CHRNA9: variants seen among roughly 807,000 people sequenced by gnomAD.
CHRNA9 encodes the protein neuronal acetylcholine receptor subunit alpha-9.
Under a neutral mutation model 36.8 loss-of-function variants are expected in CHRNA9, and 24 were observed. The observed-to-expected ratio is 0.65, with a 90% CI of 0.47 to 0.92. CHRNA9 has a LOEUF of 0.92. Among genes scored for constraint, CHRNA9 ranks in the 40% least tolerant of loss-of-function variants. CHRNA9 has a pLI of 0.00. For missense variants in CHRNA9, 610 were observed against 601.2 expected (o/e 1.01, Z -0.15); for synonymous variants, 231 against 231.8 (o/e 1.00, Z 0.03).
At chr4:40,338,097 T>C (rs1226414528) in intron 3 of CHRNA9, 1 of 152,196 alleles carries the variant, frequency 6.6e-6, no homozygotes, top group African/African-American at 2.4e-5. Flanking sequence ...TCCAAGATCA[T>C]GTATCAATAA....
At position 40,354,674 on chromosome 4, in the gene CHRNA9, G is replaced by T. The variant is rs1265068987; in HGVS notation, c.*154G>T. 1.2e-5 allele frequency: 8 copies of T among 686,346 alleles called. No individual in the cohort carries two copies. The highest frequency in any genetic ancestry group is 5.3e-5 in the Admixed American group (2 of 37,448). The allele number at this position is 686,346 out of a possible 1,614,324, so 42.5% of individuals were successfully genotyped here. The stretch of plus-strand genomic sequence containing the variant: ...CTTCAAATGAATGTCGAAGCTATCT[G>T]CTCTGTTAAATTAAGCAGAAGAACC... On this transcript the variant is annotated 3_prime_UTR_variant, in exon 5 of 5. Transcript: ENST00000310169.
chr4:40,340,921 A>G (rs1457203926), intron 3 of CHRNA9, among the ~76,000 whole-genome samples: 1 of 150,678 alleles, frequency 6.6e-6, no homozygotes, highest in Admixed American at 6.6e-5. Context: ...ACAACGTTCC[A>G]GAAGACAAAA....
intron 1 of CHRNA9, 92 bp from the exon 2 acceptor site, chr4:40,335,735 C>A: frequency 7.6e-7 from 1 of 1,307,950 alleles, no homozygotes; most frequent in Non-Finnish European, 1.1e-6. Flanking sequence ...CAGTGTTGGG[C>A]CATCCCCCAT....
chr4:40,335,650 C>A, intron 1 of CHRNA9, 119 bp downstream of exon 1: 1 of 1,008,002 alleles, frequency 9.9e-7, no homozygotes, highest in South Asian at 1.3e-5. Context: ...GTGTTCTGTG[C>A]TTCCTACTGA....
intron 3 of CHRNA9, among the ~76,000 whole-genome samples, chr4:40,344,928 G>A (rs899418754): frequency 6.6e-6 from 1 of 152,292 alleles, no homozygotes; most frequent in African/African-American, 2.4e-5. Flanking sequence ...CACAGAGGTC[G>A]CCTCTGAGCA....
In CHRNA9 at chr4:40,339,662, C is replaced by CAA. The variant is rs756343215; in HGVS notation, c.365+2316_365+2317dup. On this transcript the variant is annotated intron_variant, in intron 3 of 4. Transcript: ENST00000310169. ...TGGGTGACAGAGCTAGACTCTATCT[C>CAA]AAAAAAAAAAAAAAAAAAAGGCGGG... Among the ~76,000 whole-genome samples, 470 of 93,994 alleles carry CAA rather than the reference C, an allele frequency of 5.0e-3. 10 individuals are homozygous for CAA. Among genetic ancestry groups the CAA allele is most frequent in the East Asian group, 0.014 (47 of 3,480 alleles). The allele number at this position is 93,994 out of a possible 152,430, so 61.7% of individuals were successfully genotyped here.
chr4:40,342,629 T>C (rs1418420441), intron 3 of CHRNA9, among the ~76,000 whole-genome samples: 1 of 152,178 alleles, frequency 6.6e-6, no homozygotes, highest in African/African-American at 2.4e-5. Context: ...AGGAGAAGTC[T>C]TGAGATTTGC....
chr4:40,342,242 G>T lies in CHRNA9; in HGVS notation c.365+4878G>T, dbSNP rs149116939. On this transcript the variant is annotated intron_variant, in intron 3 of 4. Coordinates refer to ENST00000310169, the MANE Select transcript of CHRNA9 (RefSeq NM_017581.4). ...GAAGAGACTGGAAATAAAGGAGGGC[G>T]AGGAGAAACAGGTTTGGAAAAAAAG... Among the ~76,000 whole-genome samples the T allele has an allele frequency of 3.3e-5, 5 of 152,290 alleles. No homozygotes were observed. In the East Asian group the frequency reaches 9.6e-4, roughly 29 times the overall value.
At chr4:40,350,640 C>G (rs1439666734) in intron 4 of CHRNA9, among the ~76,000 whole-genome samples, 2 of 151,100 alleles carry the variant, frequency 1.3e-5, no homozygotes. Context: ...GATGATACTA[C>G]AGTGGCTTCT....
chr4:40,346,365 T>C (rs1443875791), intron 3 of CHRNA9, among the ~76,000 whole-genome samples: 1 of 152,248 alleles, frequency 6.6e-6, no homozygotes, highest in Non-Finnish European at 1.5e-5. Context: ...CTCTGCATTG[T>C]TTCCATATCT....
In CHRNA9 at chr4:40,335,902, G is replaced by C. The variant is rs188109471; in HGVS notation, c.140G>C (p.Arg47Pro). ...TTTGAAGATTATTCTAATGCTCTTC[G>C]TCCAGTGGAAGATACAGATAAAGTC... Reference protein sequence around the residue: ...DLFEDYSNALRPVEDTDKVLN... With the variant: ...DLFEDYSNALPPVEDTDKVLN... Residue 47 changes from arginine (R) to proline (P), a missense_variant, in exon 2 of 5, where the codon CGT (arginine) becomes CCT (proline). Transcript: ENST00000310169. The C allele has an allele frequency of 5.0e-6, 8 of 1,611,490 alleles. No homozygotes were observed. The African/African-American group carries it at 8.0e-5, about 16-fold the overall frequency.
chr4:40,335,861 G>T lies in CHRNA9; in HGVS notation c.99G>T (p.Lys33Asn). 6.2e-7 allele frequency: 1 copy of T among 1,613,482 alleles called. No individual in the cohort carries two copies. Among genetic ancestry groups the T allele is most frequent in the East Asian group, 2.2e-5 (1 of 44,888 alleles). The change falls in exon 2 of 5, where the codon AAG becomes AAT. Residue 33 changes from lysine (K) to asparagine (N), a missense_variant. Lys to Asn is a moderately conservative substitution (Grantham distance 94). Transcript: ENST00000310169. ...CGGCAGATGGAAAATATGCTCAGAA[G>T]TTGTTTAATGACCTTTTTGAAGATT... ...AETADGKYAQ[K>N]LFNDLFEDYS...
In CHRNA9 at chr4:40,354,369, A is replaced by T. The variant is rs1712893162; in HGVS notation, c.1289A>T (p.Tyr430Phe). 1 of 1,614,108 alleles carries T rather than the reference A, an allele frequency of 6.2e-7. No individual in the cohort carries two copies. The highest frequency in any genetic ancestry group is 1.3e-5 in the African/African-American group (1 of 74,944). ...QYKVLTRNIE[Y>F]IAKCLKDHKA... ...AAAGTGCTGACGAGGAATATTGAGT[A>T]CATCGCCAAGTGCCTCAAAGACCAC... The change falls in exon 5 of 5, where the codon TAC (tyrosine) becomes TTC (phenylalanine). Residue 430 changes from tyrosine (Y) to phenylalanine (F), a missense_variant. By Grantham distance (22) the Tyr-to-Phe change is conservative. Transcript: ENST00000310169.
Position 40,354,712 on chromosome 4 carries a change from G to A in CHRNA9, c.*192G>A. 1.8e-6 allele frequency: 1 copy of A among 545,998 alleles called. No individual in the cohort carries two copies. The highest frequency in any genetic ancestry group is 3.2e-6 in the Non-Finnish European group (1 of 311,924). 33.8% of individuals were successfully genotyped at this position (545,998 alleles called of 1,614,324 possible). On this transcript the variant is annotated 3_prime_UTR_variant, in exon 5 of 5. Coordinates refer to ENST00000310169, the MANE Select transcript of CHRNA9 (RefSeq NM_017581.4). ...AAGCAGAAGAACCAAAATTTCAAGG[G>A]TAGGAAGATGGAAGAAATAGGGAAA...
intron 3 of CHRNA9, chr4:40,337,989 A>T (rs557210346): frequency 6.6e-6 from 1 of 152,346 alleles, no homozygotes; most frequent in Admixed American, 6.5e-5. Context: ...TCATGATACT[A>T]TTCTCAAATC....
intron 3 of CHRNA9, among the ~76,000 whole-genome samples, chr4:40,345,490 T>G (rs1712613370): frequency 6.6e-6 from 1 of 152,066 alleles, no homozygotes; most frequent in Admixed American, 6.6e-5. Flanking sequence ...GGCAGGCAGA[T>G]TACCTGAGGT....
At chr4:40,347,245 T>A (rs1252990391) in intron 3 of CHRNA9, among the ~76,000 whole-genome samples, 1 of 152,198 alleles carries the variant, frequency 6.6e-6, no homozygotes, top group Non-Finnish European at 1.5e-5. Flanking sequence ...AATATGTAGT[T>A]TTTTTATCCC....
intron 3 of CHRNA9, among the ~76,000 whole-genome samples, chr4:40,339,375 T>G (rs1430002355): frequency 1.3e-5 from 2 of 151,056 alleles, no homozygotes; most frequent in Non-Finnish European, 2.9e-5. Context: ...AGTTCTTTTT[T>G]TTTTAATTTT....
Position 40,354,537 on chromosome 4 carries a change from T to C in CHRNA9, c.*17T>C, listed in dbSNP as rs77225431. 1,191 of 1,573,974 alleles carry C rather than the reference T, an allele frequency of 7.6e-4. 11 individuals carry two copies. In the African/African-American group the frequency reaches 0.015, roughly 20 times the overall value. On this transcript the variant is annotated 3_prime_UTR_variant, in exon 5 of 5. Coordinates refer to ENST00000310169, the MANE Select transcript of CHRNA9 (RefSeq NM_017581.4). ...GCGGATTAGTCACAGATATTGGCTTTGCTATCTGGGTAGAAATTAATACAA... is the reference window on the plus strand; with the variant it reads ...GCGGATTAGTCACAGATATTGGCTTCGCTATCTGGGTAGAAATTAATACAA...
Sources: gnomAD v4.1 joint callset for allele counts (sites outside exome capture counted in the v4.1 genomes callset) on GRCh38, gnomAD v4.1.1 for gene constraint, MANE v1.5 for transcripts, NCBI Gene and HGNC (gene_info 2026-07-23, HGNC 2026-07-21) for gene names.